ARR3: variants seen among roughly 807,000 people sequenced by gnomAD.
ARR3 encodes the protein arrestin 3.
Under a neutral mutation model 35.4 loss-of-function variants are expected in ARR3, and 14 were observed. The observed-to-expected ratio is 0.40, with a 90% CI of 0.26 to 0.62. ARR3 has a LOEUF of 0.62. Among genes scored for constraint, ARR3 ranks in the 20% least tolerant of loss-of-function variants. The probability of loss-of-function intolerance (pLI) is 0.46; values close to 1 mark genes in which losing one functional copy is unlikely to be tolerated. For missense variants in ARR3, 259 were observed against 303.8 expected (o/e 0.85, Z 1.10); for synonymous variants, 97 against 119.1 (o/e 0.81, Z 1.21).
chrX:70,272,615 T>G (rs2147638617), intron 5 of ARR3, among the ~76,000 whole-genome samples: 1 of 112,159 alleles, frequency 8.9e-6, no homozygotes, highest in African/African-American at 3.2e-5. Context: ...AGAAGAGGAA[T>G]TAATGGCCAA....
intron 12 of ARR3, among the ~76,000 whole-genome samples, chrX:70,279,090 C>A (rs992251720): frequency 8.9e-6 from 1 of 112,359 alleles, no homozygotes; most frequent in Non-Finnish European, 1.9e-5. Flanking sequence ...CACATGTCAT[C>A]TGGCTCTGAA....
In ARR3 at chrX:70,276,126, T is replaced by G; in HGVS notation, c.190T>G (p.Leu64Val). 5 of 1,211,771 alleles carry G rather than the reference T, an allele frequency of 4.1e-6. No individual in the cohort carries two copies. Among genetic ancestry groups the G allele is most frequent in the Non-Finnish European group, 5.6e-6 (5 of 895,529 alleles). ...TGCCTTTCGCTATGGCCGTGATGACTTGGAAGTGATTGGTCTGACGTTCCG... is the reference window on the plus strand; with the variant it reads ...TGCCTTTCGCTATGGCCGTGATGACGTGGAAGTGATTGGTCTGACGTTCCG... ...TCAFRYGRDD[L>V]EVIGLTFRKD... Residue 64 changes from leucine (L) to valine (V), a missense_variant, in exon 6 of 17, where the codon TTG becomes GTG. Leu to Val is a conservative substitution (Grantham distance 32). Coordinates refer to ENST00000307959, the MANE Select transcript of ARR3 (RefSeq NM_004312.3).
At position 70,278,575 on chromosome X, in the gene ARR3, A is replaced by T; in HGVS notation, c.839A>T (p.Gln280Leu). The change falls in exon 12 of 17, where the codon CAG (glutamine) becomes CTG (leucine). Residue 280 changes from glutamine (Q) to leucine (L), a missense_variant. By Grantham distance (113) the Gln-to-Leu change is moderately radical (BLOSUM62 -2). Coordinates refer to ENST00000307959, the MANE Select transcript of ARR3 (RefSeq NM_004312.3). The part of the protein sequence containing the change: ...AVTPILAASC[Q>L]KRGLALDGKL... ...ACCCCAATCCTGGCTGCCAGCTGCC[A>T]GAAACGGGGCCTGGCACTGGATGGC... The T allele has an allele frequency of 8.3e-7, 1 of 1,211,977 alleles. No individual in the cohort carries two copies. Among genetic ancestry groups the T allele is most frequent in the Non-Finnish European group, 1.1e-6 (1 of 895,476 alleles).
In ARR3 at chrX:70,281,707, C is replaced by T. The variant is rs901050347; in HGVS notation, c.1108C>T (p.Arg370Trp). 5 of 1,185,848 alleles carry T rather than the reference C, an allele frequency of 4.2e-6. No homozygotes were observed. The highest frequency in any genetic ancestry group is 2.4e-5 in the Admixed American group (1 of 42,171). Reference protein sequence around the residue: ...SEDIVIEEFTRKGEEESQKAV... With the variant: ...SEDIVIEEFTWKGEEESQKAV... ...GGACATAGTCATCGAGGAGTTTACG[C>T]GGAAAGGCGAGGAGGAGAGCCAGAA... The change falls in exon 17 of 17, where the codon CGG (arginine) becomes TGG (tryptophan). Residue 370 changes from arginine (R) to tryptophan (W), a missense_variant. Transcript: ENST00000307959.
intron 7 of ARR3, 77 bp downstream of exon 7, chrX:70,276,569 A>G: frequency 8.5e-7 from 1 of 1,173,288 alleles, no homozygotes; most frequent in Non-Finnish European, 1.2e-6. Context: ...GACTGGAGAA[A>G]TGGACAGCTA....
At chrX:70,279,878 G>T (rs1488528167) in intron 12 of ARR3, among the ~76,000 whole-genome samples, 5 of 111,912 alleles carry the variant, frequency 4.5e-5, no homozygotes, top group Non-Finnish European at 5.6e-5. Flanking sequence ...GGTCTGCTTA[G>T]GTTGTATCCC....
chrX:70,271,902 CA>C (rs1265289898), intron 5 of ARR3, among the ~76,000 whole-genome samples: 5 of 110,042 alleles, frequency 4.5e-5, no homozygotes, highest in South Asian at 3.9e-4. Context: ...TCCTAGCATG[CA>C]AAAAAAAGGA....
Position 70,269,910 on chromosome X carries a change from G to A in ARR3, c.100+7G>A, listed in dbSNP as rs374227491. The stretch of plus-strand genomic sequence containing the variant: ...GACACGGTGGAACCCATTGGTCAGT[G>A]AGTCCAAAAAAGGGAAGCCTGGGGA... On this transcript the variant is annotated splice_region_variant and intron_variant, in intron 4 of 16. Transcript: ENST00000307959. 4 of 1,205,382 alleles carry A rather than the reference G, an allele frequency of 3.3e-6. No homozygotes were observed. In the African/African-American group the frequency reaches 5.3e-5, roughly 16 times the overall value.
At chrX:70,281,000 G>GC (rs2085679552) in intron 15 of ARR3, 99 bp from the exon 16 acceptor site, 1 of 633,773 alleles carries the variant, frequency 1.6e-6, no homozygotes, top group East Asian at 7.0e-5. Flanking sequence ...GGATTGGGAA[G>GC]TTGGGGGGGG....
intron 2 of ARR3, 123 bp downstream of exon 2, chrX:70,269,516 T>C (rs2085621118): frequency 4.1e-6 from 4 of 973,622 alleles, no homozygotes; most frequent in East Asian, 6.5e-5. Flanking sequence ...TCTACCCCAA[T>C]TATCCCTACC....
chrX:70,281,352 A>T (rs1173538762), intron 16 of ARR3: 1 of 423,999 alleles, frequency 2.4e-6, no homozygotes, highest in Non-Finnish European at 4.0e-6. Flanking sequence ...TCCCCTTCCC[A>T]TTTTTCTTTT....
At chrX:70,277,558 C>T (rs2085658981) in intron 9 of ARR3, 29 bp downstream of exon 9, 6 of 1,198,319 alleles carry the variant, frequency 5.0e-6, no homozygotes, top group African/African-American at 1.8e-5. Context: ...TTGCCTCCCA[C>T]CCCAGAACCC....
At position 70,276,077 on chromosome X, in the gene ARR3, T is replaced by C; in HGVS notation, c.146-5T>C. ...CAGACCACTCTCTTCCTCCTATGCC[T>C]GCAGTGTTTGTCATGTTGACATGTG... On this transcript the variant is annotated splice_polypyrimidine_tract_variant and splice_region_variant and intron_variant, in intron 5 of 16. Transcript: ENST00000307959. The C allele has an allele frequency of 8.3e-7, 1 of 1,211,331 alleles. No individual in the cohort carries two copies. The highest frequency in any genetic ancestry group is 1.1e-6 in the Non-Finnish European group (1 of 895,039).
intron 12 of ARR3, 102 bp downstream of exon 12, chrX:70,278,743 T>C (rs923668993): frequency 1.9e-6 from 2 of 1,045,124 alleles, no homozygotes; most frequent in Non-Finnish European, 2.6e-6. Flanking sequence ...AGCCTACCTG[T>C]TTTTTAAAGT....
Position 70,272,754 on chromosome X carries a change from T to G in ARR3, c.145+2610T>G, listed in dbSNP as rs138804019. The stretch of plus-strand genomic sequence containing the variant: ...ATATTGCCCCAGTCCTTATAAACAC[T>G]GATATTATCAATACTTTCAGGCTTT... On this transcript the variant is annotated intron_variant, in intron 5 of 16. Transcript: ENST00000307959. Among the ~76,000 whole-genome samples, 775 of 112,581 alleles carry G rather than the reference T, an allele frequency of 6.9e-3. 8 individuals are homozygous for G. Among genetic ancestry groups the G allele is most frequent in the African/African-American group, 0.024 (749 of 31,030 alleles).
In ARR3 at chrX:70,278,620, C is replaced by A; in HGVS notation, c.884C>A (p.Thr295Asn). 4 of 1,211,131 alleles carry A rather than the reference C, an allele frequency of 3.3e-6. No individual in the cohort carries two copies. Among genetic ancestry groups the A allele is most frequent in the Non-Finnish European group, 4.5e-6 (4 of 895,188 alleles). The change falls in exon 12 of 17, where the codon ACC becomes AAC. Residue 295 changes from threonine to asparagine, a missense_variant. Thr to Asn is a moderately conservative substitution (Grantham distance 65, BLOSUM62 0). Coordinates refer to ENST00000307959, the MANE Select transcript of ARR3 (RefSeq NM_004312.3). ...ALDGKLKHED[T>N]NLASSTIIRP... ...GATGGCAAACTTAAGCATGAAGATA[C>A]CAACCTGGCCTCTAGCACAATGTAA...
At chrX:70,273,991 A>G (rs902441102) in intron 5 of ARR3, among the ~76,000 whole-genome samples, 4 of 108,544 alleles carry the variant, frequency 3.7e-5, no homozygotes, top group Non-Finnish European at 5.7e-5. Flanking sequence ...CTCCCTCCCT[A>G]CTTAACCCTT....
chrX:70,276,669 C>T lies in ARR3; in HGVS notation c.406C>T (p.Pro136Ser). ...TCTCTTTGCCCTTGTCCCTTTACAG[C>T]CCTGTGGGATTGACTTTGAAGTGAA... ...LQPGPEDAGK[P>S]CGIDFEVKSF... The change falls in exon 8 of 17, where the codon CCC (proline) becomes TCC (serine). Residue 136 changes from proline (P) to serine (S), a missense_variant and splice_region_variant. Physicochemically the swap from Pro to Ser is moderately conservative, Grantham distance 74. Coordinates refer to ENST00000307959, the MANE Select transcript of ARR3 (RefSeq NM_004312.3). The T allele has an allele frequency of 8.3e-7, 1 of 1,211,042 alleles. No individual in the cohort carries two copies. Among genetic ancestry groups the T allele is most frequent in the Non-Finnish European group, 1.1e-6 (1 of 894,729 alleles).
chrX:70,269,476 C>T (rs2085620992), intron 2 of ARR3, 83 bp downstream of exon 2: 13 of 1,019,313 alleles, frequency 1.3e-5, no homozygotes, highest in Non-Finnish European at 1.6e-5. Context: ...AGGGGGATTT[C>T]CAATTTCTCC....
Sources: allele counts gnomAD v4.1 joint callset (sites outside exome capture counted in the v4.1 genomes callset), GRCh38; gene constraint gnomAD v4.1.1; transcripts MANE v1.5; gene names NCBI Gene and HGNC (gene_info 2026-07-23, HGNC 2026-07-21).